AGBL1: variants seen among roughly 807,000 people sequenced by gnomAD.
The protein encoded by AGBL1 is AGBL carboxypeptidase 1, also known as cytosolic carboxypeptidase 4.
Under a neutral mutation model 118.9 loss-of-function variants are expected in AGBL1, and 130 were observed. The ratio of observed to expected loss-of-function variants is 1.09; its 90% CI spans 0.95 to 1.26. AGBL1 has a LOEUF of 1.26. Ranked by LOEUF, AGBL1 falls within the 50% of genes most tolerant of loss-of-function variation. AGBL1 has a pLI of 0.00. For synonymous variants in AGBL1, 555 were observed against 478.9 expected (o/e 1.16, Z -2.08); for missense variants, 1,584 against 1,298.1 (o/e 1.22, Z -3.38).
chr15:86,819,117 C>T (rs1567189439), intron 22 of AGBL1, among the ~76,000 whole-genome samples: 1 of 151,892 alleles, frequency 6.6e-6, no homozygotes, highest in Non-Finnish European at 1.5e-5. Context: ...TTTTTGTCCA[C>T]AGGGAGCAGA....
chr15:86,789,585 T>C (rs1263664735), intron 22 of AGBL1, among the ~76,000 whole-genome samples: 1 of 152,064 alleles, frequency 6.6e-6, no homozygotes, highest in Non-Finnish European at 1.5e-5. Flanking sequence ...TGGCCAATGA[T>C]CCAGGTCTAA....
chr15:86,490,457 G>T (rs2082764773), intron 18 of AGBL1, among the ~76,000 whole-genome samples: 1 of 152,080 alleles, frequency 6.6e-6, no homozygotes. Flanking sequence ...ATTCACACGG[G>T]CAGGAGGTCA....
chr15:86,930,328 CA>C (rs368620992), intron 23 of AGBL1, among the ~76,000 whole-genome samples: 505 of 152,206 alleles, frequency 3.3e-3, no homozygotes, highest in African/African-American at 0.012. Context: ...TGAAGTGATG[CA>C]TGTGACAATT....
intron 22 of AGBL1, among the ~76,000 whole-genome samples, chr15:86,881,203 T>C (rs1158295748): frequency 6.6e-6 from 1 of 152,232 alleles, no homozygotes. Context: ...ATGCAATTTT[T>C]TGAATTAGCA....
At chr15:86,739,891 T>A (rs1259860668) in intron 22 of AGBL1, among the ~76,000 whole-genome samples, 1 of 152,174 alleles carries the variant, frequency 6.6e-6, no homozygotes, top group Admixed American at 6.5e-5. Context: ...GCCTAATGAA[T>A]CACTGAGCCC....
In AGBL1 at chr15:86,693,662, C is replaced by G. The variant is rs367550836; in HGVS notation, c.3158+19226C>G. On this transcript the variant is annotated intron_variant, in intron 22 of 22. Transcript: ENST00000614907. ...TTTTGGGGAGTTCTTGGTCATAAAG[C>G]CTTTGCCTAAGCCAATGCCTAGAGG... Among the ~76,000 whole-genome samples the G allele has an allele frequency of 1.6e-3, 250 of 152,062 alleles. 2 individuals are homozygous for G. Among genetic ancestry groups the G allele is most frequent in the African/African-American group, 5.8e-3 (240 of 41,510 alleles).
At chr15:86,931,120 T>C (rs867167700) in intron 23 of AGBL1, among the ~76,000 whole-genome samples, 2 of 152,324 alleles carry the variant, frequency 1.3e-5, no homozygotes, top group South Asian at 2.1e-4. Context: ...AGCATCCTTT[T>C]CTGTTGACCC....
At chr15:86,704,921 G>T (rs1257839981) in intron 22 of AGBL1, among the ~76,000 whole-genome samples, 3 of 152,112 alleles carry the variant, frequency 2.0e-5, no homozygotes, top group Non-Finnish European at 4.4e-5. Flanking sequence ...AGAAAATGTG[G>T]CACATATACA....
chr15:86,673,442 G>A (rs1166614689), intron 21 of AGBL1, among the ~76,000 whole-genome samples: 1 of 152,126 alleles, frequency 6.6e-6, no homozygotes, highest in African/African-American at 2.4e-5. Flanking sequence ...TCGCTATACA[G>A]CTTTTTATGT....
At chr15:86,980,522 A>C (rs2081221330) in intron 23 of AGBL1, among the ~76,000 whole-genome samples, 1 of 152,180 alleles carries the variant, frequency 6.6e-6, no homozygotes, top group African/African-American at 2.4e-5. Flanking sequence ...ATGATACTTA[A>C]AAAGTAACTT....
At chr15:86,152,501 T>C (rs1050705175) in intron 3 of AGBL1, among the ~76,000 whole-genome samples, 2 of 152,142 alleles carry the variant, frequency 1.3e-5, no homozygotes, top group Non-Finnish European at 1.5e-5. Flanking sequence ...TTAAACCTTG[T>C]ACAAAAATTA....
intron 22 of AGBL1, among the ~76,000 whole-genome samples, chr15:86,877,095 G>T (rs558046747): frequency 2.2e-4 from 33 of 152,132 alleles, no homozygotes; most frequent in African/African-American, 7.5e-4. Context: ...ATAAGATAGG[G>T]TATATGGGTC....
rs1165375643 is a variant in AGBL1 at position 86,414,786 on chromosome 15, T to C, written c.2555+17240T>C. Reference sequence around the variant, plus strand: ...CTTGGGCAATGTTTCCCCAGGCTTTTAACTGAGATGCAGACATAAAATTAA... The same window carrying C: ...CTTGGGCAATGTTTCCCCAGGCTTTCAACTGAGATGCAGACATAAAATTAA... On this transcript the variant is annotated intron_variant, in intron 18 of 22. Coordinates refer to ENST00000614907, the MANE Select transcript of AGBL1 (RefSeq NM_001386094.1). Among the ~76,000 whole-genome samples, 7 of 152,298 alleles carry C rather than the reference T, an allele frequency of 4.6e-5. No homozygotes were observed. The South Asian group carries it at 1.4e-3, about 32-fold the overall frequency.
chr15:86,237,549 A>G (rs1313701825), intron 6 of AGBL1, among the ~76,000 whole-genome samples: 1 of 152,208 alleles, frequency 6.6e-6, no homozygotes, highest in Non-Finnish European at 1.5e-5. Flanking sequence ...ATGAGTTGAC[A>G]GTGGACACAG....
intron 6 of AGBL1, among the ~76,000 whole-genome samples, chr15:86,242,344 T>C (rs1239438027): frequency 1.3e-5 from 2 of 152,248 alleles, no homozygotes; most frequent in Admixed American, 6.5e-5. Flanking sequence ...ACCTATTATG[T>C]ACCAGGCATC....
chr15:86,610,933 G>A (rs1381127279), intron 21 of AGBL1, among the ~76,000 whole-genome samples: 2 of 152,104 alleles, frequency 1.3e-5, no homozygotes, highest in Non-Finnish European at 2.9e-5. Context: ...TGTCACCTGG[G>A]AAATGTTAAA....
At chr15:86,924,750 A>T (rs2080513632) in intron 23 of AGBL1, among the ~76,000 whole-genome samples, 1 of 151,664 alleles carries the variant, frequency 6.6e-6, no homozygotes. Flanking sequence ...ACATTTTGCT[A>T]CTCTGTGTCT....
intron 20 of AGBL1, among the ~76,000 whole-genome samples, chr15:86,552,842 T>C (rs1027968524): frequency 2.0e-5 from 3 of 152,138 alleles, no homozygotes; most frequent in African/African-American, 7.2e-5. Context: ...TAGCATTCTA[T>C]TTCCCTTTTT....
chr15:86,855,463 C>T (rs1322473525), intron 22 of AGBL1, among the ~76,000 whole-genome samples: 2 of 152,180 alleles, frequency 1.3e-5, no homozygotes, highest in Non-Finnish European at 2.9e-5. Flanking sequence ...AGCTATTTCT[C>T]ACTGTCCCAG....
Sources: gnomAD v4.1 joint callset for allele counts (sites outside exome capture counted in the v4.1 genomes callset) on GRCh38, gnomAD v4.1.1 for gene constraint, MANE v1.5 for transcripts, NCBI Gene and HGNC (gene_info 2026-07-23, HGNC 2026-07-21) for gene names.